SCGN: variants seen among roughly 807,000 people sequenced by gnomAD.
SCGN encodes secretagogin.
A neutral mutation model predicts 39.7 loss-of-function variants in SCGN; 30 were observed. The observed-to-expected ratio is 0.76, with a 90% CI of 0.57 to 1.03. The LOEUF is 1.03. SCGN is among the 50% of genes least tolerant of loss of function. The probability of loss-of-function intolerance (pLI) is 0.00; values close to 1 mark genes in which losing one functional copy is unlikely to be tolerated. For missense variants in SCGN, 353 were observed against 349.4 expected (o/e 1.01, Z -0.08); for synonymous variants, 106 against 114.1 (o/e 0.93, Z 0.45).
intron 10 of SCGN, 78 bp from the exon 11 acceptor site, chr6:25,701,129 A>T: frequency 5.3e-6 from 8 of 1,506,596 alleles, no homozygotes; most frequent in Non-Finnish European, 7.2e-6. Flanking sequence ...CCCTAAGCTT[A>T]GGGAGCATCA....
At chr6:25,655,399 A>G (rs922975988) in intron 2 of SCGN, among the ~76,000 whole-genome samples, 12 of 152,186 alleles carry the variant, frequency 7.9e-5, no homozygotes, top group Admixed American at 7.2e-4. Context: ...CCTTAGAAGC[A>G]TTGTTGCCAT....
At chr6:25,685,817 G>A (rs985601710) in intron 7 of SCGN, among the ~76,000 whole-genome samples, 3 of 152,172 alleles carry the variant, frequency 2.0e-5, no homozygotes, top group Non-Finnish European at 2.9e-5. Context: ...TATTCATAAG[G>A]TTGTCCAACC....
chr6:25,671,071 T>C (rs1412204876), intron 6 of SCGN, among the ~76,000 whole-genome samples: 2 of 152,222 alleles, frequency 1.3e-5, no homozygotes, highest in Non-Finnish European at 2.9e-5. Flanking sequence ...CATTGAGCCT[T>C]ATGGTGAAGT....
At chr6:25,681,914 T>C (rs200479381) in intron 6 of SCGN, 37 bp from the exon 7 acceptor site, 12 of 1,549,284 alleles carry the variant, frequency 7.7e-6, no homozygotes, top group East Asian at 2.2e-5. Context: ...AATTAGTTCC[T>C]GTTACAAGTA....
chr6:25,695,326 C>A (rs1455879476), intron 10 of SCGN, among the ~76,000 whole-genome samples: 1 of 152,098 alleles, frequency 6.6e-6, no homozygotes, highest in Non-Finnish European at 1.5e-5. Flanking sequence ...ATCCATGAAA[C>A]CATCATCATG....
In SCGN at chr6:25,652,804, T is replaced by C. The variant is rs183844391; in HGVS notation, c.82+319T>C. 4.0e-4 allele frequency among the ~76,000 whole-genome samples: 61 copies of C among 152,256 alleles called. 1 individual carries two copies. Among genetic ancestry groups the C allele is most frequent in the Non-Finnish European group, 2.9e-5 (2 of 68,008 alleles). On this transcript the variant is annotated intron_variant, in intron 1 of 10. Transcript: ENST00000377961. ...TAATATCATTGTATATGTTCAAGGC[T>C]TGTGGGCTGAGACTCAGCTATTTGA...
chr6:25,675,244 A>G (rs1381211157), intron 6 of SCGN, among the ~76,000 whole-genome samples: 1 of 152,222 alleles, frequency 6.6e-6, no homozygotes, highest in East Asian at 1.9e-4. Context: ...CTCTATAACT[A>G]GTGACTTCAA....
chr6:25,669,944 C>T, intron 5 of SCGN, 55 bp from the exon 6 acceptor site: 3 of 1,381,552 alleles, frequency 2.2e-6, no homozygotes, highest in Non-Finnish European at 2.1e-6. Flanking sequence ...CTTTTAAGAC[C>T]TTTGCAGTTT....
At chr6:25,670,133 C>G in intron 6 of SCGN, 57 bp downstream of exon 6, 1 of 1,190,380 alleles carries the variant, frequency 8.4e-7, no homozygotes. Flanking sequence ...CCTCCCCAGA[C>G]CCCAGAAACA....
chr6:25,656,528 A>G (rs1016019867), intron 2 of SCGN, among the ~76,000 whole-genome samples: 6 of 152,162 alleles, frequency 3.9e-5, no homozygotes, highest in African/African-American at 1.4e-4. Context: ...TTCTTTCCAA[A>G]TGCTGAGATT....
rs372232958 is a variant in SCGN at position 25,654,764 on chromosome 6, A to G, written c.153+1312A>G. On this transcript the variant is annotated intron_variant, in intron 2 of 10. Coordinates refer to ENST00000377961, the MANE Select transcript of SCGN (RefSeq NM_006998.4). ...TCCTTCACCCTTTTCTTTGTCTCTTATCTCCCTTTTTCTGTACCTTTTATT... is the reference window on the plus strand; with the variant it reads ...TCCTTCACCCTTTTCTTTGTCTCTTGTCTCCCTTTTTCTGTACCTTTTATT... Among the ~76,000 whole-genome samples the G allele has an allele frequency of 3.1e-4, 46 of 148,926 alleles. No homozygotes were observed. In the South Asian group the frequency reaches 8.4e-3, roughly 27 times the overall value.
rs534590585 is a variant in SCGN at position 25,678,129 on chromosome 6, G to T, written c.472-3822G>T. ...ATAAGACATTGTGTTCCATTTCTGG[G>T]AGCCTTTATAGCACCTTTCAGGTAG... On this transcript the variant is annotated intron_variant, in intron 6 of 10. Transcript: ENST00000377961. Among the ~76,000 whole-genome samples, 20 of 152,270 alleles carry T rather than the reference G, an allele frequency of 1.3e-4. No homozygotes were observed. In the South Asian group the frequency reaches 3.5e-3, roughly 27 times the overall value.
intron 7 of SCGN, among the ~76,000 whole-genome samples, chr6:25,688,540 G>T (rs1248426312): frequency 6.6e-6 from 1 of 152,136 alleles, no homozygotes. Flanking sequence ...CGTGGCTCAC[G>T]CCTGTAATCC....
intron 3 of SCGN, among the ~76,000 whole-genome samples, chr6:25,662,534 A>C (rs1367534603): frequency 6.6e-6 from 1 of 152,216 alleles, no homozygotes; most frequent in Non-Finnish European, 1.5e-5. Flanking sequence ...TGGGAGAGCT[A>C]GTCTCTTGAT....
At chr6:25,653,713 A>T (rs1760175401) in intron 2 of SCGN, among the ~76,000 whole-genome samples, 1 of 152,222 alleles carries the variant, frequency 6.6e-6, no homozygotes, top group Non-Finnish European at 1.5e-5. Context: ...AGACTCAGTT[A>T]ACTTGGTCTT....
intron 10 of SCGN, among the ~76,000 whole-genome samples, chr6:25,696,028 TA>T (rs1759832963): frequency 6.6e-6 from 1 of 152,232 alleles, no homozygotes; most frequent in African/African-American, 2.4e-5. Context: ...CAGTCCTCCC[TA>T]AAGTTCTTTC....
Position 25,652,446 on chromosome 6 carries a change from G to A in SCGN, c.43G>A (p.Ala15Thr), listed in dbSNP as rs773183103. 13 of 1,613,936 alleles carry A rather than the reference G, an allele frequency of 8.1e-6. No individual in the cohort carries two copies. The highest frequency in any genetic ancestry group is 1.1e-5 in the Non-Finnish European group (13 of 1,180,008). Residue 15 changes from alanine to threonine, a missense_variant, in exon 1 of 11, where the codon GCT becomes ACT. Ala to Thr is a moderately conservative substitution (Grantham distance 58). Transcript: ENST00000377961. ...REPTLGRLDAAGFWQVWQRFD... is the reference protein window; with the variant it reads ...REPTLGRLDATGFWQVWQRFD... Reference sequence around the variant, plus strand: ...ACCGACTCTGGGGCGCTTGGACGCCGCTGGCTTCTGGCAGGTCTGGCAGCG... The same window carrying A: ...ACCGACTCTGGGGCGCTTGGACGCCACTGGCTTCTGGCAGGTCTGGCAGCG...
At position 25,653,436 on chromosome 6, in the gene SCGN, T is replaced by C; in HGVS notation, c.137T>C (p.Met46Thr). Residue 46 changes from methionine (M) to threonine (T), a missense_variant, in exon 2 of 11, where the codon ATG becomes ACG. Physicochemically the swap from Met to Thr is moderately conservative, Grantham distance 81. Coordinates refer to ENST00000377961, the MANE Select transcript of SCGN (RefSeq NM_006998.4). ...ELDAFFLHML[M>T]KLGTDDTVMK... is the part of the protein sequence containing the mutation. ...GATGCTTTCTTTCTCCACATGTTGA[T>C]GAAACTGGGTACTGATGTAAGTACT... is the stretch of plus-strand genomic sequence containing the variant. The C allele has an allele frequency of 6.2e-7, 1 of 1,612,938 alleles. No homozygotes were observed. The highest frequency in any genetic ancestry group is 2.2e-5 in the East Asian group (1 of 44,788).
intron 6 of SCGN, among the ~76,000 whole-genome samples, chr6:25,680,414 AT>A (rs1431178880): frequency 6.6e-6 from 1 of 152,054 alleles, no homozygotes; most frequent in Non-Finnish European, 1.5e-5. Flanking sequence ...TAGGCAAATG[AT>A]TTTTTTCCTG....
Sources: allele counts gnomAD v4.1 joint callset (sites outside exome capture counted in the v4.1 genomes callset), GRCh38; gene constraint gnomAD v4.1.1; transcripts MANE v1.5; gene names NCBI Gene and HGNC (gene_info 2026-07-23, HGNC 2026-07-21).